Variants in ADPRHL1 observed in about 807,000 individuals in gnomAD.
ADPRHL1 encodes ADP-ribosylhydrolase like 1.
ADPRHL1 carries 43 observed loss-of-function variants against 44.1 expected under a neutral mutation model. The observed-to-expected ratio is 0.98, with a 90% CI of 0.76 to 1.26. ADPRHL1 has a LOEUF of 1.26. Among genes scored for constraint, ADPRHL1 ranks in the 50% most tolerant of loss-of-function variants. The pLI, the probability that ADPRHL1 is intolerant of heterozygous loss-of-function variation, is 0.00. For missense variants in ADPRHL1, 2,022 were observed against 2,496.9 expected, an observed-to-expected ratio of 0.81 and a Z score of 4.05; for synonymous variants, 878 against 1,017.4, an observed-to-expected ratio of 0.86 and a Z score of 2.61.
chr13:113,418,993 TCCCTCCCTTCC>T (rs2043900214), intron 7 of ADPRHL1, among the ~76,000 whole-genome samples: 1 of 127,226 alleles, frequency 7.9e-6, no homozygotes. Context: ...CCTCCCTCCC[TCCCTCCCTTCC>T]TCCCTCCCTT....
At chr13:113,442,755 T>A (rs1399963189) in intron 2 of ADPRHL1, among the ~76,000 whole-genome samples, 1 of 152,220 alleles carries the variant, frequency 6.6e-6, no homozygotes, top group Non-Finnish European at 1.5e-5. Context: ...TTTGGAACAA[T>A]TTTGACAATT....
chr13:113,420,216 C>T lies in ADPRHL1; in HGVS notation c.1061+2610G>A, dbSNP rs535807574. Among the ~76,000 whole-genome samples, 4 of 152,240 alleles carry T rather than the reference C, an allele frequency of 2.6e-5. 1 individual carries two copies. The South Asian group carries it at 8.3e-4, about 32-fold the overall frequency. On this transcript the variant is annotated intron_variant, in intron 7 of 7. Transcript: ENST00000612156. ...AGTGCTTTCTTTGGCTTTTTCTTTTCAACTTTTGGGTGTCTCTGTAACAGG... is the reference window on the plus strand; with the variant it reads ...AGTGCTTTCTTTGGCTTTTTCTTTTTAACTTTTGGGTGTCTCTGTAACAGG...
intron 3 of ADPRHL1, among the ~76,000 whole-genome samples, chr13:113,430,557 G>A (rs1461925993): frequency 6.6e-6 from 1 of 152,204 alleles, no homozygotes; most frequent in Non-Finnish European, 1.5e-5. Context: ...TGGGAACAGT[G>A]TGGTGCCAGT....
At chr13:113,427,404 C>T (rs1017835698) in intron 4 of ADPRHL1, among the ~76,000 whole-genome samples, 2 of 152,176 alleles carry the variant, frequency 1.3e-5, no homozygotes, top group Admixed American at 6.5e-5. Flanking sequence ...GGAAAGAACC[C>T]GGCACCACCG....
At chr13:113,433,361 T>C (rs2139632426) in intron 3 of ADPRHL1, among the ~76,000 whole-genome samples, 1 of 152,314 alleles carries the variant, frequency 6.6e-6, no homozygotes, top group East Asian at 1.9e-4. Flanking sequence ...TCTTTGTCTT[T>C]TGTTCTGACA....
chr13:113,445,601 C>A (rs913741361), intron 1 of ADPRHL1, among the ~76,000 whole-genome samples: 5 of 152,194 alleles, frequency 3.3e-5, no homozygotes, highest in African/African-American at 1.2e-4. Context: ...AATTCCCCAC[C>A]TTTGGGGAGG....
chr13:113,447,240 C>T (rs1474635801), intron 1 of ADPRHL1, among the ~76,000 whole-genome samples: 1 of 110,820 alleles, frequency 9.0e-6, no homozygotes, highest in East Asian at 2.9e-4. Flanking sequence ...GTTGTGTGTG[C>T]ATGGCGTCTA....
At chr13:113,438,886 T>C (rs1437593355) in intron 2 of ADPRHL1, among the ~76,000 whole-genome samples, 1 of 152,204 alleles carries the variant, frequency 6.6e-6, no homozygotes, top group Non-Finnish European at 1.5e-5. Flanking sequence ...GAGTTCTTTA[T>C]GCATTTTGGA....
At position 113,407,175 on chromosome 13, in the gene ADPRHL1, G is replaced by T. The variant is rs1566464851; in HGVS notation, c.2107C>A (p.Pro703Thr). ...VMAQRDGHAV[P>T]SLAFSCAPCT... ...GGAGCACAAGAGAAGGCCAGCGAGG[G>T]GACAGCGTGGCCGTCCCTCTGAGCC... Residue 703 changes from proline (P) to threonine (T), a missense_variant, in exon 8 of 8, where the codon CCC becomes ACC. Physicochemically the swap from Pro to Thr is conservative, Grantham distance 38 (BLOSUM62 -1). Around this residue, in one of 8 missense-constraint regions of ADPRHL1, gnomAD observed 1,221 missense variants for 1,517.8 expected, o/e 0.80. Coordinates refer to ENST00000612156, the MANE Select transcript of ADPRHL1 (RefSeq NM_001394807.1). 8.1e-7 allele frequency: 1 copy of T among 1,232,236 alleles called. No homozygotes were observed. Among genetic ancestry groups the T allele is most frequent in the Non-Finnish European group, 1.0e-6 (1 of 988,038 alleles). The allele number at this position is 1,232,236 out of a possible 1,614,324, so 76.3% of individuals were successfully genotyped here.
chr13:113,451,334 C>T (rs886804479), intron 1 of ADPRHL1, among the ~76,000 whole-genome samples: 9 of 152,142 alleles, frequency 5.9e-5, no homozygotes, highest in African/African-American at 9.7e-5. Flanking sequence ...TGGAACAGCT[C>T]GTGTCCTCTG....
Position 113,418,980 on chromosome 13 carries a change from T to TTCCCTCCC in ADPRHL1, c.1061+3838_1061+3845dup, listed in dbSNP as rs1174404083. Among the ~76,000 whole-genome samples, 118 of 105,642 alleles carry TTCCCTCCC rather than the reference T, an allele frequency of 1.1e-3. 3 individuals are homozygous for TTCCCTCCC. The highest frequency in any genetic ancestry group is 2.3e-3 in the African/African-American group (64 of 27,306). The allele number at this position is 105,642 out of a possible 152,430, so 69.3% of individuals were successfully genotyped here. On this transcript the variant is annotated intron_variant, in intron 7 of 7. Transcript: ENST00000612156. ...GGTTGTATAATGTGCCCTCTTTTCC[T>TTCCCTCCC]TCCCTCCCTCCCTCCCTCCCTTCCT...
At position 113,441,916 on chromosome 13, in the gene ADPRHL1, T is replaced by C. The variant is rs1243479077; in HGVS notation, c.379+2509A>G. 1.3e-5 allele frequency among the ~76,000 whole-genome samples: 2 copies of C among 152,260 alleles called. No homozygotes were observed. The highest frequency in any genetic ancestry group is 1.3e-4 in the Admixed American group (2 of 15,282). ...GTGAGTCTGTGTCTCTATCACGCTTTACTCCACCGTGCTGGTCCGTGTCTC... is the reference window on the plus strand; with the variant it reads ...GTGAGTCTGTGTCTCTATCACGCTTCACTCCACCGTGCTGGTCCGTGTCTC... On this transcript the variant is annotated intron_variant, in intron 2 of 7. Coordinates refer to ENST00000612156, the MANE Select transcript of ADPRHL1 (RefSeq NM_001394807.1). This position sits in a 1 kb window ranked among gnomAD's most constrained non-coding sequence, Gnocchi z 6.0.
chr13:113,440,136 T>C (rs2044087159), intron 2 of ADPRHL1, among the ~76,000 whole-genome samples: 2 of 152,258 alleles, frequency 1.3e-5, no homozygotes, highest in African/African-American at 4.8e-5. Flanking sequence ...TAGTTTGCTA[T>C]GAGTTTTCTG....
At position 113,444,374 on chromosome 13, in the gene ADPRHL1, C is replaced by T. The variant is rs755263614; in HGVS notation, c.379+51G>A. 8.2e-6 allele frequency: 13 copies of T among 1,592,272 alleles called. No homozygotes were observed. The East Asian group carries it at 2.9e-4, about 36-fold the overall frequency. On this transcript the variant is annotated intron_variant, in intron 2 of 7. Transcript: ENST00000612156. ...AGTGGAAGGCAGATGGTTAGGACCG[C>T]AGGGTCCCCAGCAGGGTGGCTTTAG...
At chr13:113,428,855 A>C in intron 4 of ADPRHL1, 97 bp downstream of exon 4, 1 of 1,554,446 alleles carries the variant, frequency 6.4e-7, no homozygotes, top group East Asian at 2.2e-5. Context: ...GTTCCATCTA[A>C]GAGCGAAAGT....
intron 1 of ADPRHL1, among the ~76,000 whole-genome samples, chr13:113,446,024 G>A (rs1838296597): frequency 6.7e-6 from 1 of 149,862 alleles, no homozygotes; most frequent in African/African-American, 2.5e-5. Flanking sequence ...TTGGGGCCCA[G>A]CGGCTGCAAA....
Position 113,407,252 on chromosome 13 carries a change from T to C in ADPRHL1, c.2030A>G (p.Glu677Gly). 1 of 1,232,086 alleles carries C rather than the reference T, an allele frequency of 8.1e-7. No homozygotes were observed. Among genetic ancestry groups the C allele is most frequent in the Non-Finnish European group, 1.0e-6 (1 of 988,088 alleles). 76.3% of individuals were successfully genotyped at this position (1,232,086 alleles called of 1,614,324 possible). The change falls in exon 8 of 8, where the codon GAG (glutamate) becomes GGG (glycine). Residue 677 changes from glutamate (E) to glycine (G), a missense_variant. By Grantham distance (98) the Glu-to-Gly change is moderately conservative (BLOSUM62 -2). This residue lies in a region of ADPRHL1 where 1,221 missense variants were observed against 1,517.8 expected (regional missense o/e 0.80). Transcript: ENST00000612156. ...GGGCCTTGGCTGTCTTTGGGGCTCC[T>C]CCTCCAGGGGCCCCTTTCCCACTGC... ...NKAVGKGPLE[E>G]EPQRQPRPSK...
At chr13:113,426,896 G>GT (rs2043972373) in intron 4 of ADPRHL1, among the ~76,000 whole-genome samples, 2 of 152,348 alleles carry the variant, frequency 1.3e-5, no homozygotes, top group African/African-American at 4.8e-5. Context: ...GCAGAGGGCC[G>GT]TGTCAGGTGG....
At chr13:113,446,314 A>G (rs7326569) in intron 1 of ADPRHL1, among the ~76,000 whole-genome samples, 151,141 of 151,402 alleles carry the variant, frequency 1, 75,440 homozygotes, top group Middle Eastern at 1. Context: ...TCAGGGCCCC[A>G]TGGCTGTGAA....
Sources: gnomAD v4.1 joint callset for allele counts (sites outside exome capture counted in the v4.1 genomes callset) on GRCh38, gnomAD v4.1.1 for gene constraint, gnomAD v4.1.1 regional missense constraint, Gnocchi (gnomAD v3.1) non-coding constraint, MANE v1.5 for transcripts, NCBI Gene and HGNC (gene_info 2026-07-23, HGNC 2026-07-21) for gene names.